Variants in PTBP3 observed in about 807,000 individuals in gnomAD.
PTBP3 encodes the protein polypyrimidine tract binding protein 3.
PTBP3 carries 20 observed loss-of-function variants against 58.7 expected under a neutral mutation model. That is an observed-to-expected ratio of 0.34 (90% CI 0.24 to 0.50). The LOEUF (loss-of-function observed/expected upper bound fraction) is 0.50, where lower values mean the gene tolerates loss of function less well. Ranked by LOEUF, PTBP3 falls within the 20% of genes least tolerant of loss-of-function variation. The pLI is 0.98. For synonymous variants in PTBP3, 185 were observed against 219.8 expected (o/e 0.84, Z 1.40); for missense variants, 509 against 637.2 (o/e 0.80, Z 2.17).
intron 2 of PTBP3, among the ~76,000 whole-genome samples, chr9:112,277,978 T>A (rs183211789): frequency 6.7e-5 from 10 of 149,124 alleles, no homozygotes; most frequent in African/African-American, 2.5e-4. Context: ...TAACATAACA[T>A]AATGTATATC....
chr9:112,331,132 AC>A (rs1830356754), intron 1 of PTBP3, among the ~76,000 whole-genome samples: 1 of 139,100 alleles, frequency 7.2e-6, no homozygotes, highest in Admixed American at 7.1e-5. Flanking sequence ...CACACGAGAG[AC>A]AGTTGGGATT....
the PTBP3 span, among the ~76,000 whole-genome samples, chr9:112,378,735 C>T: frequency 6.6e-6 from 1 of 152,220 alleles, no homozygotes; most frequent in Non-Finnish European, 1.5e-5. Flanking sequence ...TTTTGAGCTG[C>T]TGTATCTCAG....
At chr9:112,347,411 G>A in the PTBP3 span, among the ~76,000 whole-genome samples, 3 of 150,048 alleles carry the variant, frequency 2.0e-5, no homozygotes, top group East Asian at 2.0e-4. Context: ...TATGATCATG[G>A]CTAACTGCAG....
At chr9:112,298,989 G>A (rs922189544) in intron 1 of PTBP3, among the ~76,000 whole-genome samples, 2 of 152,052 alleles carry the variant, frequency 1.3e-5, no homozygotes, top group Non-Finnish European at 1.5e-5. Context: ...CAAGATTAAG[G>A]CCTCACTTAA....
In PTBP3 at chr9:112,219,554, G is replaced by C. The variant is rs1330800076; in HGVS notation, c.*4297C>G. On this transcript the variant is annotated 3_prime_UTR_variant, in exon 14 of 14. Coordinates refer to ENST00000374257, the MANE Select transcript of PTBP3 (RefSeq NM_001163788.4). ...CTAAGGAAACTACCACAAAGATTTT[G>C]AGCAGCTCTATTCTTGGACCTGCAC... The C allele has an allele frequency of 6.6e-6, 1 of 152,586 alleles. No individual in the cohort carries two copies. Among genetic ancestry groups the C allele is most frequent in the Admixed American group, 6.5e-5 (1 of 15,278 alleles). The allele number at this position is 152,586 out of a possible 1,614,324, so 9.5% of individuals were successfully genotyped here.
intron 1 of PTBP3, among the ~76,000 whole-genome samples, chr9:112,309,131 C>G (rs1829363121): frequency 6.6e-6 from 1 of 152,018 alleles, no homozygotes; most frequent in Non-Finnish European, 1.5e-5. Context: ...TTTAATCTAT[C>G]AAGATACTAC....
At chr9:112,225,857 G>C (rs1236775116) in intron 12 of PTBP3, among the ~76,000 whole-genome samples, 1 of 151,956 alleles carries the variant, frequency 6.6e-6, no homozygotes, top group Admixed American at 6.6e-5. Context: ...GATCTGCCTG[G>C]GCAAATGGTA....
chr9:112,374,637 G>A, the PTBP3 span, among the ~76,000 whole-genome samples: 79 of 152,324 alleles, frequency 5.2e-4, no homozygotes, highest in African/African-American at 1.7e-3. Context: ...GGTAAGACCA[G>A]TGAATTCCAT....
rs968898686 is a variant in PTBP3, at chr9:112,230,942, A to T, written c.1054+438T>A. Among the ~76,000 whole-genome samples, 6 of 152,278 alleles carry T rather than the reference A, an allele frequency of 3.9e-5. No homozygotes were observed. In the East Asian group the frequency reaches 1.2e-3, roughly 29 times the overall value. On this transcript the variant is annotated intron_variant, in intron 10 of 13. Transcript: ENST00000374257. ...CAAATTCCTTAACAAAGCTTTTAAC[A>T]GCTCTTCACGATTTTGACCCTACGC...
chr9:112,229,806 C>T (rs902015568), intron 10 of PTBP3, among the ~76,000 whole-genome samples: 6 of 152,280 alleles, frequency 3.9e-5, no homozygotes, highest in African/African-American at 1.2e-4. Context: ...ATCTGATCCT[C>T]CTGCCTTGGC....
chr9:112,285,001 C>T (rs1331312172), intron 2 of PTBP3, among the ~76,000 whole-genome samples: 2 of 151,254 alleles, frequency 1.3e-5, no homozygotes, highest in Non-Finnish European at 2.9e-5. Flanking sequence ...TGTTGGGAGG[C>T]ATGATTGGTT....
chr9:112,264,024 C>G (rs988618785), intron 4 of PTBP3, among the ~76,000 whole-genome samples: 7 of 151,230 alleles, frequency 4.6e-5, no homozygotes, highest in African/African-American at 1.7e-4. Context: ...TATGAAGGAG[C>G]AGAATTCCTA....
chr9:112,233,118 C>A (rs1240667815), intron 8 of PTBP3, among the ~76,000 whole-genome samples: 1 of 151,886 alleles, frequency 6.6e-6, no homozygotes, highest in Non-Finnish European at 1.5e-5. Flanking sequence ...ACTGTGCAGA[C>A]CACATTCTCA....
the PTBP3 span, among the ~76,000 whole-genome samples, chr9:112,354,475 T>C: frequency 2.6e-5 from 4 of 152,350 alleles, no homozygotes; most frequent in East Asian, 7.7e-4. Context: ...GTTATTTATG[T>C]AACTGGAAAA....
At chr9:112,329,616 C>T (rs944633514) in intron 1 of PTBP3, among the ~76,000 whole-genome samples, 4 of 152,124 alleles carry the variant, frequency 2.6e-5, no homozygotes, top group African/African-American at 7.2e-5. Context: ...AACACTAGTG[C>T]ACCACATCTT....
At chr9:112,237,429 C>T (rs546719700) in intron 7 of PTBP3, among the ~76,000 whole-genome samples, 3 of 151,962 alleles carry the variant, frequency 2.0e-5, no homozygotes, top group African/African-American at 4.8e-5. Context: ...CAAGGCAATA[C>T]GAATTAATAC....
intron 4 of PTBP3, among the ~76,000 whole-genome samples, chr9:112,264,687 T>C (rs1836727772): frequency 6.6e-6 from 1 of 152,184 alleles, no homozygotes; most frequent in African/African-American, 2.4e-5. Context: ...TAAAAAATTA[T>C]TGCATTTTAT....
intron 1 of PTBP3, chr9:112,330,503 G>A (rs1587902144): frequency 2.7e-6 from 4 of 1,456,806 alleles, no homozygotes; most frequent in East Asian, 2.4e-5. Flanking sequence ...AAGAGAAAAT[G>A]GAAAACAAAG....
the PTBP3 span, among the ~76,000 whole-genome samples, chr9:112,342,985 G>A: frequency 6.6e-6 from 1 of 152,006 alleles, no homozygotes; most frequent in African/African-American, 2.4e-5. Flanking sequence ...GCACCACCAT[G>A]CCCAGCATTG....
Sources: gnomAD v4.1 joint callset for allele counts (sites outside exome capture counted in the v4.1 genomes callset) on GRCh38, gnomAD v4.1.1 for gene constraint, MANE v1.5 for transcripts, NCBI Gene and HGNC (gene_info 2026-07-23, HGNC 2026-07-21) for gene names.